The following HPRT1 variants were observed in gnomAD, a reference collection of about 807,000 sequenced individuals.
HPRT1 encodes hypoxanthine-guanine phosphoribosyltransferase.
HPRT1 carries 4 observed loss-of-function variants against 19.0 expected under a neutral mutation model. The ratio of observed to expected loss-of-function variants is 0.21; its 90% confidence interval spans 0.10 to 0.48. HPRT1 has a LOEUF of 0.48. Ranked by LOEUF, HPRT1 falls within the 20% of genes least tolerant of loss-of-function variation. The pLI is 0.98. For synonymous variants in HPRT1, 53 were observed against 54.9 expected (o/e 0.97, Z 0.15); for missense variants, 65 against 164.0 (o/e 0.40, Z 3.30).
At chrX:134,486,893 C>G (rs1425961531) in intron 4 of HPRT1, among the ~76,000 whole-genome samples, 2 of 108,290 alleles carry the variant, frequency 1.8e-5, no homozygotes, top group Admixed American at 2.0e-4. Context: ...GATAGCAAAG[C>G]AGTATTATGT....
At chrX:134,474,145 T>G (rs921549043) in intron 2 of HPRT1, among the ~76,000 whole-genome samples, 2 of 111,927 alleles carry the variant, frequency 1.8e-5, no homozygotes, top group East Asian at 5.6e-4. Context: ...ATCTAATATA[T>G]TTTAAAGGTT....
chrX:134,498,855 G>A (rs1370139255), intron 8 of HPRT1, among the ~76,000 whole-genome samples, 171 bp downstream of exon 8: 1 of 112,500 alleles, frequency 8.9e-6, no homozygotes, highest in African/African-American at 3.2e-5. Flanking sequence ...AACCTGGCCA[G>A]GCTAGGGTGA....
At chrX:134,484,143 T>C (rs1372280642) in intron 3 of HPRT1, among the ~76,000 whole-genome samples, 4 of 112,168 alleles carry the variant, frequency 3.6e-5, no homozygotes, top group African/African-American at 1.3e-4. Context: ...TTTCCATGAC[T>C]CCATACTTTT....
intron 1 of HPRT1, 37 bp downstream of exon 1, chrX:134,460,375 GC>G (rs1379982353): frequency 9.6e-7 from 1 of 1,041,770 alleles, no homozygotes; most frequent in Admixed American, 3.9e-5. Flanking sequence ...GCCGGTTCAG[GC>G]CCACGCGGCA....
chrX:134,491,198 A>G (rs1264503790), intron 5 of HPRT1, among the ~76,000 whole-genome samples: 1 of 109,680 alleles, frequency 9.1e-6, no homozygotes, highest in Admixed American at 1.0e-4. Flanking sequence ...AGCACCTAGC[A>G]AACTGATCAT....
chrX:134,481,724 C>T (rs762296245), intron 3 of HPRT1, among the ~76,000 whole-genome samples: 4 of 111,829 alleles, frequency 3.6e-5, no homozygotes, highest in Non-Finnish European at 7.5e-5. Flanking sequence ...TGGCTTTTCA[C>T]TTTGATGTAG....
intron 1 of HPRT1, among the ~76,000 whole-genome samples, chrX:134,467,458 T>C (rs1289115617): frequency 8.9e-6 from 1 of 112,316 alleles, no homozygotes; most frequent in Non-Finnish European, 1.9e-5. Flanking sequence ...TTTTGTATAA[T>C]TGAATATGTT....
At chrX:134,470,902 TAA>T (rs1346755729) in intron 1 of HPRT1, among the ~76,000 whole-genome samples, 3 of 93,985 alleles carry the variant, frequency 3.2e-5, no homozygotes, top group Non-Finnish European at 2.1e-5. Context: ...ACTTCGTCTC[TAA>T]AAAAAAAAAA....
chrX:134,462,830 A>G (rs998558889), intron 1 of HPRT1, among the ~76,000 whole-genome samples: 10 of 112,255 alleles, frequency 8.9e-5, no homozygotes, highest in African/African-American at 3.2e-4. Context: ...TATGTGCTAG[A>G]TACTCTTCTA....
intron 1 of HPRT1, among the ~76,000 whole-genome samples, chrX:134,469,068 A>G (rs2077604455): frequency 9.0e-6 from 1 of 111,118 alleles, no homozygotes; most frequent in Non-Finnish European, 1.9e-5. Context: ...TTGTATTATG[A>G]TACATTTTGA....
At chrX:134,497,343 GT>G (rs745395179) in intron 6 of HPRT1, among the ~76,000 whole-genome samples, 15 of 111,469 alleles carry the variant, frequency 1.3e-4, no homozygotes, top group African/African-American at 4.6e-4. Flanking sequence ...AAAAAAGAAT[GT>G]TGTGAGGCCG....
intron 5 of HPRT1, among the ~76,000 whole-genome samples, chrX:134,490,480 C>A: frequency 1.3e-5 from 1 of 78,983 alleles, no homozygotes. Context: ...ATAATATATA[C>A]ATATATATCT....
intron 1 of HPRT1, among the ~76,000 whole-genome samples, chrX:134,469,569 T>C: frequency 8.9e-6 from 1 of 111,875 alleles, no homozygotes; most frequent in Non-Finnish European, 1.9e-5. Context: ...ACAAGACTTT[T>C]CAAATTCTTA....
Position 134,460,251 on chromosome X carries a change from T to C in HPRT1, c.-61T>C. ...CTCTTGCTGCGCCTCCGCCTCCTCC[T>C]CTGCTCCGCCACCGGCTTCCTCCTC... On this transcript the variant is annotated 5_prime_UTR_variant, in exon 1 of 9. Coordinates refer to ENST00000298556, the MANE Select transcript of HPRT1 (RefSeq NM_000194.3). 1.8e-6 allele frequency: 2 copies of C among 1,099,051 alleles called. No homozygotes were observed. Among genetic ancestry groups the C allele is most frequent in the Non-Finnish European group, 2.4e-6 (2 of 837,444 alleles). The allele number at this position is 1,099,051 out of a possible 1,213,427, so 90.6% of individuals were successfully genotyped here. A position where few individuals can be genotyped will look rare whatever the true frequency, so the allele number is the denominator to read the frequency against.
At position 134,471,087 on chromosome X, in the gene HPRT1, G is replaced by C. The variant is rs17879610; in HGVS notation, c.28-2272G>C. On this transcript the variant is annotated intron_variant, in intron 1 of 8. Coordinates refer to ENST00000298556, the MANE Select transcript of HPRT1 (RefSeq NM_000194.3). Reference sequence around the variant, plus strand: ...TTCTGATTTTTTGTTTGTATATTTTGCTTTAATTTAATGTATCCTTTAAAA... The same window carrying C: ...TTCTGATTTTTTGTTTGTATATTTTCCTTTAATTTAATGTATCCTTTAAAA... Among the ~76,000 whole-genome samples, 36 of 78,802 alleles carry C rather than the reference G, an allele frequency of 4.6e-4. 1 individual carries two copies. In the East Asian group the frequency reaches 0.012, roughly 25 times the overall value. The allele number at this position is 78,802 out of a possible 115,157, so 68.4% of individuals were successfully genotyped here.
intron 8 of HPRT1, among the ~76,000 whole-genome samples, chrX:134,499,547 G>A (rs1457836159): frequency 9.0e-6 from 1 of 110,951 alleles, no homozygotes; most frequent in Non-Finnish European, 1.9e-5. Context: ...GCTCACGCCT[G>A]TAATCCCAGC....
chrX:134,470,621 T>C (rs1003205255), intron 1 of HPRT1, among the ~76,000 whole-genome samples: 2 of 111,689 alleles, frequency 1.8e-5, no homozygotes, highest in African/African-American at 6.5e-5. Context: ...TGAATGTGAT[T>C]TGAAAGGTAA....
intron 5 of HPRT1, among the ~76,000 whole-genome samples, chrX:134,490,759 AT>A (rs1046456113): frequency 9.2e-6 from 1 of 108,437 alleles, no homozygotes; most frequent in Non-Finnish European, 1.9e-5. Context: ...AACCTACCGA[AT>A]CAAAATATCT....
At position 134,493,481 on chromosome X, in the gene HPRT1, G is replaced by A. The variant is rs374407642; in HGVS notation, c.403-27G>A. 1,124 of 1,051,766 alleles carry A rather than the reference G, an allele frequency of 1.1e-3. 3 individuals are homozygous for A. Among genetic ancestry groups the A allele is most frequent in the Middle Eastern group, 5.0e-4 (2 of 4,007 alleles). 86.7% of individuals were successfully genotyped at this position (1,051,766 alleles called of 1,213,427 possible). On this transcript the variant is annotated intron_variant, in intron 5 of 8. Coordinates refer to ENST00000298556, the MANE Select transcript of HPRT1 (RefSeq NM_000194.3). ...TTTATATTGTGACTCTGAATTTAAAGCTATGCAATGTCTTCTTTTTTGAAA... is the reference window on the plus strand; with the variant it reads ...TTTATATTGTGACTCTGAATTTAAAACTATGCAATGTCTTCTTTTTTGAAA...
Sources: gnomAD v4.1 joint callset for allele counts (sites outside exome capture counted in the v4.1 genomes callset) on GRCh38, gnomAD v4.1.1 for gene constraint, MANE v1.5 for transcripts, NCBI Gene and HGNC (gene_info 2026-07-23, HGNC 2026-07-21) for gene names.